The following IFT43 variants were observed in gnomAD, a reference collection of about 807,000 sequenced individuals.
IFT43 encodes intraflagellar transport protein 43 homolog.
A neutral mutation model predicts 32.3 loss-of-function variants in IFT43; 33 were observed. The observed-to-expected ratio is 1.02, with a 90% CI of 0.77 to 1.37. The LOEUF (loss-of-function observed/expected upper bound fraction) is 1.37, where lower values mean the gene tolerates loss of function less well. Ranked by LOEUF, IFT43 falls within the 40% of genes most tolerant of loss-of-function variation. The probability of loss-of-function intolerance (pLI) is 0.00; values close to 1 mark genes in which losing one functional copy is unlikely to be tolerated. For missense variants in IFT43, 274 were observed against 265.9 expected (o/e 1.03, Z -0.21); for synonymous variants, 93 against 98.2 (o/e 0.95, Z 0.31).
intron 3 of IFT43, among the ~76,000 whole-genome samples, chr14:76,039,972 C>T (rs1320628260): frequency 6.6e-6 from 1 of 152,126 alleles, no homozygotes; most frequent in African/African-American, 2.4e-5. Context: ...TTCTTTTTTA[C>T]AAAAGGGTCT....
chr14:75,990,489 C>T (rs541438366), intron 2 of IFT43, among the ~76,000 whole-genome samples: 35 of 152,162 alleles, frequency 2.3e-4, no homozygotes, highest in Non-Finnish European at 4.0e-4. Context: ...GTCTTATCAT[C>T]GTACCCTATT....
At chr14:75,995,438 A>G (rs2035725078) in intron 2 of IFT43, among the ~76,000 whole-genome samples, 1 of 152,046 alleles carries the variant, frequency 6.6e-6, no homozygotes, top group Non-Finnish European at 1.5e-5. Flanking sequence ...CTCTCCCCCT[A>G]TTCCCTTGGT....
At chr14:76,010,473 C>G (rs2036062127) in intron 2 of IFT43, among the ~76,000 whole-genome samples, 1 of 151,962 alleles carries the variant, frequency 6.6e-6, no homozygotes, top group Non-Finnish European at 1.5e-5. Flanking sequence ...GAGAAACACC[C>G]AGAAAAGTAG....
At chr14:76,007,003 A>G (rs1010344268) in intron 2 of IFT43, among the ~76,000 whole-genome samples, 1 of 151,820 alleles carries the variant, frequency 6.6e-6, no homozygotes, top group Non-Finnish European at 1.5e-5. Flanking sequence ...GACTAAAGAC[A>G]TATGCCACCA....
rs540536289 is a variant in IFT43, at chr14:76,011,338, C to T, written c.148-10989C>T. On this transcript the variant is annotated intron_variant, in intron 2 of 8. Coordinates refer to ENST00000314067, the MANE Select transcript of IFT43 (RefSeq NM_001102564.3). ...GTCATTTTACTTATTACTTTCTCAC[C>T]TGATTTGTAAACTGGAAATCAAATT... Among the ~76,000 whole-genome samples, 21 of 152,212 alleles carry T rather than the reference C, an allele frequency of 1.4e-4. No homozygotes were observed. In the East Asian group the frequency reaches 3.5e-3, roughly 25 times the overall value.
chr14:76,083,653 T>G lies in IFT43; in HGVS notation c.*76T>G. ...AAGAAGCTTGTAAGCAGCTCCGAATTTTTACCTGGAATATTTTGTAATAAA... is the reference window on the plus strand; with the variant it reads ...AAGAAGCTTGTAAGCAGCTCCGAATGTTTACCTGGAATATTTTGTAATAAA... On this transcript the variant is annotated 3_prime_UTR_variant, in exon 9 of 9. Transcript: ENST00000314067. The G allele has an allele frequency of 7.4e-7, 1 of 1,357,552 alleles. No individual in the cohort carries two copies. The highest frequency in any genetic ancestry group is 1.2e-5 in the South Asian group (1 of 84,976). The allele number at this position is 1,357,552 out of a possible 1,614,324, so 84.1% of individuals were successfully genotyped here.
At chr14:76,042,783 C>T (rs1594839711) in intron 3 of IFT43, among the ~76,000 whole-genome samples, 1 of 152,228 alleles carries the variant, frequency 6.6e-6, no homozygotes, top group East Asian at 1.9e-4. Context: ...GCTCAGGAGC[C>T]AGGTTCTAGT....
At chr14:76,035,484 G>C (rs2036582520) in intron 3 of IFT43, among the ~76,000 whole-genome samples, 1 of 151,946 alleles carries the variant, frequency 6.6e-6, no homozygotes, top group South Asian at 2.1e-4. Flanking sequence ...TGGCATTGAT[G>C]TTCCAAGGAT....
rs144776609 is a variant in IFT43 at position 75,985,794 on chromosome 14, A to T, written c.8A>T (p.Asp3Val). 1.2e-6 allele frequency: 2 copies of T among 1,613,844 alleles called. No individual in the cohort carries two copies. The highest frequency in any genetic ancestry group is 1.7e-6 in the Non-Finnish European group (2 of 1,179,962). MEDLLDLDEELRY... is the reference protein window; with the variant it reads MEVLLDLDEELRY... ...CGTCAGGCGGCCGCGGAGATGGAGG[A>T]TTTGCTCGACTTGGACGAGGAGCTT... The change falls in exon 1 of 9, where the codon GAT (aspartate) becomes GTT (valine). Residue 3 changes from aspartate to valine, a missense_variant. Transcript: ENST00000314067.
At chr14:76,049,998 C>G (rs1474018408) in intron 3 of IFT43, among the ~76,000 whole-genome samples, 1 of 152,148 alleles carries the variant, frequency 6.6e-6, no homozygotes, top group African/African-American at 2.4e-5. Context: ...CCAGCCACCA[C>G]CTTTTCCTTA....
At chr14:76,038,386 T>C (rs1003005102) in intron 3 of IFT43, among the ~76,000 whole-genome samples, 5 of 152,200 alleles carry the variant, frequency 3.3e-5, no homozygotes, top group African/African-American at 1.2e-4. Context: ...GATGCTTTTC[T>C]TTCACGTGCC....
chr14:76,015,932 G>A (rs1285191800), intron 2 of IFT43, among the ~76,000 whole-genome samples: 2 of 152,186 alleles, frequency 1.3e-5, no homozygotes, highest in Non-Finnish European at 2.9e-5. Flanking sequence ...GCTCAGTGAT[G>A]TAGAACATTT....
intron 5 of IFT43, among the ~76,000 whole-genome samples, chr14:76,074,529 C>T (rs1284711962): frequency 6.6e-6 from 1 of 152,188 alleles, no homozygotes; most frequent in Non-Finnish European, 1.5e-5. Context: ...AGACTCTTCC[C>T]TATAGAGAGT....
At chr14:76,035,415 G>T (rs1214691413) in intron 3 of IFT43, among the ~76,000 whole-genome samples, 1 of 152,050 alleles carries the variant, frequency 6.6e-6, no homozygotes, top group Non-Finnish European at 1.5e-5. Flanking sequence ...GCTGTGTGCT[G>T]GTCCCGAGGT....
chr14:75,993,458 G>A (rs555842132), intron 2 of IFT43, among the ~76,000 whole-genome samples: 3 of 152,212 alleles, frequency 2.0e-5, no homozygotes, highest in African/African-American at 7.2e-5. Flanking sequence ...GATACACCTG[G>A]TCAGATTTAC....
intron 5 of IFT43, among the ~76,000 whole-genome samples, chr14:76,060,822 C>T (rs1341091073): frequency 9.0e-6 from 1 of 111,634 alleles, no homozygotes; most frequent in Non-Finnish European, 1.9e-5. Context: ...TCCTCCCTCC[C>T]TCCCTTTCTT....
At chr14:76,021,152 C>A (rs1594822121) in intron 2 of IFT43, among the ~76,000 whole-genome samples, 1 of 151,862 alleles carries the variant, frequency 6.6e-6, no homozygotes, top group East Asian at 1.9e-4. Context: ...TGGGTGGGGT[C>A]AGCCTATCCT....
chr14:76,056,445 T>C (rs765452690), intron 3 of IFT43, among the ~76,000 whole-genome samples: 56 of 152,164 alleles, frequency 3.7e-4, no homozygotes, highest in Non-Finnish European at 6.0e-4. Context: ...GGATATTGAG[T>C]GGATAAATGG....
intron 2 of IFT43, among the ~76,000 whole-genome samples, chr14:75,994,912 G>A (rs1486041920): frequency 6.6e-6 from 1 of 152,116 alleles, no homozygotes; most frequent in Non-Finnish European, 1.5e-5. Flanking sequence ...ACTGAGTTTG[G>A]GCAAAAGTAA....
Sources: allele counts gnomAD v4.1 joint callset (sites outside exome capture counted in the v4.1 genomes callset), GRCh38; gene constraint gnomAD v4.1.1; transcripts MANE v1.5; gene names NCBI Gene and HGNC (gene_info 2026-07-23, HGNC 2026-07-21).